GRAMD1C: variants seen among roughly 807,000 people sequenced by gnomAD.
GRAMD1C encodes GRAM domain containing 1C, also known as protein Aster-C.
A neutral mutation model predicts 97.8 loss-of-function variants in GRAMD1C; 89 were observed. That is an observed-to-expected ratio of 0.91 (90% CI 0.77 to 1.09). The LOEUF is 1.09. GRAMD1C is among the 50% of genes least tolerant of loss of function. The probability of loss-of-function intolerance (pLI) is 0.00; values close to 1 mark genes in which losing one functional copy is unlikely to be tolerated. For synonymous variants in GRAMD1C, 256 were observed against 267.0 expected, an observed-to-expected ratio of 0.96 and a Z score of 0.40; for missense variants, 740 against 766.4, an observed-to-expected ratio of 0.97 and a Z score of 0.41.
In GRAMD1C at chr3:113,887,079, C is replaced by CTTT. The variant is rs1559795559; in HGVS notation, c.540+4250_540+4252dup. Reference sequence around the variant, plus strand: ...ACAGGCATGAGCCACTGCGCCTGGCCTTTTTGTTTTTTTTTTGTTTTTTTT... The same window carrying CTTT: ...ACAGGCATGAGCCACTGCGCCTGGCCTTTTTTTTGTTTTTTTTTTGTTTTTTTT... On this transcript the variant is annotated intron_variant, in intron 6 of 17. Coordinates refer to ENST00000358160, the MANE Select transcript of GRAMD1C (RefSeq NM_017577.5). Among the ~76,000 whole-genome samples the CTTT allele has an allele frequency of 5.2e-4, 51 of 97,502 alleles. 1 individual carries two copies. Among genetic ancestry groups the CTTT allele is most frequent in the Non-Finnish European group, 7.0e-4 (34 of 48,764 alleles). The allele number at this position is 97,502 out of a possible 152,430, so 64.0% of individuals were successfully genotyped here. A position where few individuals can be genotyped will look rare whatever the true frequency, so the allele number is the denominator to read the frequency against.
rs910262588 is a variant in GRAMD1C, at chr3:113,945,825, C to T, written c.*347C>T. The T allele has an allele frequency of 9.4e-6, 2 of 212,730 alleles. No individual in the cohort carries two copies. Among genetic ancestry groups the T allele is most frequent in the Non-Finnish European group, 1.9e-5 (2 of 107,944 alleles). 13.2% of individuals were successfully genotyped at this position (212,730 alleles called of 1,614,324 possible). A position where few individuals can be genotyped will look rare whatever the true frequency, so the allele number is the denominator to read the frequency against. On this transcript the variant is annotated 3_prime_UTR_variant, in exon 18 of 18. Coordinates refer to ENST00000358160, the MANE Select transcript of GRAMD1C (RefSeq NM_017577.5). ...AGTGAAGTCTGATGCTTTGTTAGCA[C>T]AGAATCCGTACATGTCCAATAGGTC... is the stretch of plus-strand genomic sequence containing the variant.
chr3:113,916,570 A>G (rs551222354), intron 10 of GRAMD1C, among the ~76,000 whole-genome samples: 2 of 152,330 alleles, frequency 1.3e-5, no homozygotes, highest in East Asian at 3.9e-4. Context: ...TATGGACATA[A>G]AGTCAGCATA....
At chr3:113,866,224 T>G (rs1934580997) in intron 2 of GRAMD1C, among the ~76,000 whole-genome samples, 1 of 152,214 alleles carries the variant, frequency 6.6e-6, no homozygotes. Context: ...AGTTCTGTCA[T>G]TTTTGCTTCA....
At chr3:113,872,978 G>A (rs1461694029) in intron 3 of GRAMD1C, among the ~76,000 whole-genome samples, 5 of 150,536 alleles carry the variant, frequency 3.3e-5, no homozygotes, top group Admixed American at 1.3e-4. Flanking sequence ...CCAGCTACTC[G>A]GGAGGCTGAG....
Position 113,946,091 on chromosome 3 carries a change from G to GA in GRAMD1C, c.*616dup, listed in dbSNP as rs1938061071. The stretch of plus-strand genomic sequence containing the variant: ...TCTGCCATGCTGTATCTTTATGAAA[G>GA]AAATAGTTGTTTTTTCTTAAGGTAA... On this transcript the variant is annotated 3_prime_UTR_variant, in exon 18 of 18. Transcript: ENST00000358160. 1 of 152,488 alleles carries GA rather than the reference G, an allele frequency of 6.6e-6. No homozygotes were observed. 9.4% of individuals were successfully genotyped at this position (152,488 alleles called of 1,614,324 possible). A position where few individuals can be genotyped will look rare whatever the true frequency, so the allele number is the denominator to read the frequency against.
In GRAMD1C at chr3:113,838,871, T is replaced by G. The variant is rs1409100140; in HGVS notation, c.-39T>G. On this transcript the variant is annotated 5_prime_UTR_variant, in exon 1 of 18. Coordinates refer to ENST00000358160, the MANE Select transcript of GRAMD1C (RefSeq NM_017577.5). ...GTGGGCGCGGGGCGGTGCGGTGCGG[T>G]GCGCGCGGGGCGGTGCCGCGGCGGC... is the stretch of plus-strand genomic sequence containing the variant. The G allele has an allele frequency of 2.4e-6, 3 of 1,226,512 alleles. No homozygotes were observed. Among genetic ancestry groups the G allele is most frequent in the African/African-American group, 1.6e-5 (1 of 63,994 alleles). 76.0% of individuals were successfully genotyped at this position (1,226,512 alleles called of 1,614,324 possible).
In GRAMD1C at chr3:113,940,333, G is replaced by A; in HGVS notation, c.1896G>A (p.Val632=). ...RLKGVLRDSI[V]MLEQLKSSLI... ...AGGGAGTGCTCCGAGACTCCATAGTGATGCTTGAACAGGTAGGCAACTCGA... is the reference window on the plus strand; with the variant it reads ...AGGGAGTGCTCCGAGACTCCATAGTAATGCTTGAACAGGTAGGCAACTCGA... Residue 632 remains valine (V), a synonymous_variant, in exon 17 of 18, where the codon GTG becomes GTA. Coordinates refer to ENST00000358160, the MANE Select transcript of GRAMD1C (RefSeq NM_017577.5). The A allele has an allele frequency of 6.4e-7, 1 of 1,573,772 alleles. No homozygotes were observed. The highest frequency in any genetic ancestry group is 8.7e-7 in the Non-Finnish European group (1 of 1,143,368).
intron 17 of GRAMD1C, among the ~76,000 whole-genome samples, chr3:113,944,568 G>T (rs1283332287): frequency 2.0e-5 from 3 of 152,140 alleles, no homozygotes; most frequent in African/African-American, 7.2e-5. Flanking sequence ...TCTCTAGTGG[G>T]TCTCATTTCA....
chr3:113,864,113 A>G (rs1934496805), intron 2 of GRAMD1C, among the ~76,000 whole-genome samples: 1 of 151,928 alleles, frequency 6.6e-6, no homozygotes, highest in Admixed American at 6.6e-5. Flanking sequence ...TGCTGCCTAG[A>G]TACTTTATTT....
At position 113,911,707 on chromosome 3, in the gene GRAMD1C, C is replaced by CCTTCCTTCTTTCT. The variant is rs1553723621; in HGVS notation, c.952+2595_952+2596insTTTCTCTTCCTTC. On this transcript the variant is annotated intron_variant, in intron 9 of 17. Transcript: ENST00000358160. ...TCTCTCTCTGTTTCTTTCCTTCCTT[C>CCTTCCTTCTTTCT]CTTCCTTCCTTCCTTCCTTCCTTTT... Among the ~76,000 whole-genome samples, 324 of 139,430 alleles carry CCTTCCTTCTTTCT rather than the reference C, an allele frequency of 2.3e-3. 11 individuals carry two copies. Among genetic ancestry groups the CCTTCCTTCTTTCT allele is most frequent in the South Asian group, 7.9e-3 (31 of 3,914 alleles). The allele number at this position is 139,430 out of a possible 152,430, so 91.5% of individuals were successfully genotyped here.
rs1448282144 is a variant in GRAMD1C, at chr3:113,885,467, C to G, written c.540+2635C>G. Reference sequence around the variant, plus strand: ...TCTCCTGTGTCCCGGAATTGGCTAGCCCAGGTGAGGAGGAAGATCCTGGTG... The same window carrying G: ...TCTCCTGTGTCCCGGAATTGGCTAGGCCAGGTGAGGAGGAAGATCCTGGTG... On this transcript the variant is annotated intron_variant, in intron 6 of 17. Coordinates refer to ENST00000358160, the MANE Select transcript of GRAMD1C (RefSeq NM_017577.5). The G allele has an allele frequency of 2.5e-6, 4 of 1,595,836 alleles. No homozygotes were observed. The African/African-American group carries it at 5.4e-5, about 21-fold the overall frequency.
chr3:113,880,592 C>G (rs1290787373), intron 5 of GRAMD1C, among the ~76,000 whole-genome samples: 1 of 152,090 alleles, frequency 6.6e-6, no homozygotes, highest in Non-Finnish European at 1.5e-5. Context: ...CAGTGAACAG[C>G]CTGACCATGC....
intron 5 of GRAMD1C, among the ~76,000 whole-genome samples, chr3:113,881,994 C>G (rs1212676946): frequency 6.6e-6 from 1 of 152,118 alleles, no homozygotes; most frequent in African/African-American, 2.4e-5. Context: ...CAGCATAGAA[C>G]TGAGCTTTCT....
At chr3:113,880,564 T>G (rs146611744) in intron 5 of GRAMD1C, among the ~76,000 whole-genome samples, 30 of 152,300 alleles carry the variant, frequency 2.0e-4, no homozygotes, top group Admixed American at 9.2e-4. Flanking sequence ...TAATATTTTA[T>G]TATTACAAAC....
chr3:113,898,706 A>G (rs1040000060), intron 6 of GRAMD1C, among the ~76,000 whole-genome samples: 2 of 152,188 alleles, frequency 1.3e-5, no homozygotes, highest in African/African-American at 2.4e-5. Flanking sequence ...GTGAGAATTT[A>G]TTAGCCTGTG....
At position 113,908,950 on chromosome 3, in the gene GRAMD1C, C is replaced by CTAAA; in HGVS notation, c.790-8_790-7insTAAA. 6.5e-7 allele frequency: 1 copy of CTAAA among 1,530,048 alleles called. No individual in the cohort carries two copies. Among genetic ancestry groups the CTAAA allele is most frequent in the African/African-American group, 1.4e-5 (1 of 70,070 alleles). The allele number at this position is 1,530,048 out of a possible 1,614,324, so 94.8% of individuals were successfully genotyped here. ...TTTTATTTTGAAACTGGATTGTTTA[C>CTAAA]CTTTTAGGGATTAGGCAAAGAGGAG... On this transcript the variant is annotated splice_region_variant and splice_polypyrimidine_tract_variant and intron_variant, in intron 8 of 17. Transcript: ENST00000358160.
At chr3:113,886,053 G>T in intron 6 of GRAMD1C, 1 of 1,474,848 alleles carries the variant, frequency 6.8e-7, no homozygotes, top group Non-Finnish European at 9.1e-7. Context: ...CCTCCACTTG[G>T]GTTGGGGTGG....
chr3:113,831,277 T>C (rs962775225), intron 1 of GRAMD1C, among the ~76,000 whole-genome samples: 1 of 152,224 alleles, frequency 6.6e-6, no homozygotes, highest in Non-Finnish European at 1.5e-5. Context: ...TTCTTTAGTA[T>C]GAAAGAACAC....
At chr3:113,914,728 T>C (rs1311335587) in intron 9 of GRAMD1C, among the ~76,000 whole-genome samples, 1 of 152,094 alleles carries the variant, frequency 6.6e-6, no homozygotes, top group Admixed American at 6.6e-5. Context: ...AAATTCCTTC[T>C]GGCGGTATAA....
Sources: allele counts gnomAD v4.1 joint callset (sites outside exome capture counted in the v4.1 genomes callset), GRCh38; gene constraint gnomAD v4.1.1; transcripts MANE v1.5; gene names NCBI Gene and HGNC (gene_info 2026-07-23, HGNC 2026-07-21).